The following PRH1 variants were observed in gnomAD, a reference collection of about 807,000 sequenced individuals.
PRH1 encodes the protein salivary acidic proline-rich phosphoprotein 1/2.
In PRH1, 7 loss-of-function variants were observed where a neutral mutation model predicts 7.9. The ratio of observed to expected loss-of-function variants is 0.89; its 90% CI spans 0.50 to 1.67. PRH1 has a LOEUF of 1.67. Among genes scored for constraint, PRH1 ranks in the 40% most tolerant of loss-of-function variants. PRH1 has a pLI of 0.00. For missense variants in PRH1, 109 were observed against 223.6 expected, an observed-to-expected ratio of 0.49 and a Z score of 3.27; for synonymous variants, 45 against 80.8, an observed-to-expected ratio of 0.56 and a Z score of 2.38.
chr12:10,950,409 A>G (rs771745194), intron 2 of PRH1, among the ~76,000 whole-genome samples: 5 of 152,016 alleles, frequency 3.3e-5, no homozygotes, highest in African/African-American at 4.8e-5. Context: ...GCACTTTTAT[A>G]TTTATATAAA....
At chr12:11,150,241 C>A (rs1287556284) in intron 1 of PRH1, among the ~76,000 whole-genome samples, 1 of 151,432 alleles carries the variant, frequency 6.6e-6, no homozygotes, top group African/African-American at 2.4e-5. Flanking sequence ...ACTAGTTCAA[C>A]CATTGTGGAA....
chr12:10,973,919 G>C (rs954847985), intron 1 of PRH1, among the ~76,000 whole-genome samples: 1 of 152,112 alleles, frequency 6.6e-6, no homozygotes, highest in African/African-American at 2.4e-5. Flanking sequence ...CTCCTAAAAT[G>C]TATCTGGAAA....
rs199946401 is a variant in PRH1 at position 11,133,302 on chromosome 12, C to T, written n.40-12122G>A. ...GTTTTCTGCTAGAAGACACACAATG[C>T]CCCTCTTGTGAATCTATGGAGACGA... On this transcript the variant is annotated intron_variant and non_coding_transcript_variant, in intron 1 of 1. Coordinates refer to the PRH1 transcript ENST00000541175. 611 of 1,611,076 alleles carry T rather than the reference C, an allele frequency of 3.8e-4. 1 individual carries two copies. The highest frequency in any genetic ancestry group is 4.3e-4 in the Non-Finnish European group (511 of 1,178,588).
At chr12:11,150,676 T>C (rs6488354) in intron 1 of PRH1, among the ~76,000 whole-genome samples, 112,816 of 151,426 alleles carry the variant, frequency 0.75, 44,494 homozygotes, top group East Asian at 0.96. Flanking sequence ...GTTGTGGGGT[T>C]GGGGGAAGGG....
chr12:11,091,994 T>A, intron 1 of PRH1: 1 of 1,398,802 alleles, frequency 7.1e-7, no homozygotes, highest in Non-Finnish European at 9.9e-7. Context: ...AGTTCTTACT[T>A]CTACACTATT....
intron 1 of PRH1, among the ~76,000 whole-genome samples, chr12:11,146,153 T>A (rs1460811201): frequency 6.6e-6 from 1 of 152,112 alleles, no homozygotes; most frequent in East Asian, 1.9e-4. Flanking sequence ...TCTGGATACC[T>A]TTTTAGTATT....
At chr12:10,944,939 G>A (rs1950462819) in intron 2 of PRH1, among the ~76,000 whole-genome samples, 1 of 152,082 alleles carries the variant, frequency 6.6e-6, no homozygotes, top group Admixed American at 6.5e-5. Flanking sequence ...GCTTTTTGAT[G>A]GGCTTGTGGA....
chr12:10,946,761 G>C (rs1176321852), intron 2 of PRH1, among the ~76,000 whole-genome samples: 2 of 151,988 alleles, frequency 1.3e-5, no homozygotes, highest in Non-Finnish European at 2.9e-5. Flanking sequence ...CAAACTTTTT[G>C]ATGTGGGCAT....
intron 1 of PRH1, among the ~76,000 whole-genome samples, chr12:10,977,139 T>G (rs574886036): frequency 1.3e-5 from 2 of 152,170 alleles, no homozygotes; most frequent in Non-Finnish European, 1.5e-5. Flanking sequence ...ACCAATATCC[T>G]TAATAAACAC....
At chr12:10,903,080 A>G (rs1949745985) in intron 2 of PRH1, among the ~76,000 whole-genome samples, 1 of 152,206 alleles carries the variant, frequency 6.6e-6, no homozygotes, top group South Asian at 2.1e-4. Context: ...TCAATAAAAA[A>G]CAAAAGTCAT....
At chr12:10,950,770 T>TA (rs924404410) in intron 2 of PRH1, among the ~76,000 whole-genome samples, 2 of 151,838 alleles carry the variant, frequency 1.3e-5, no homozygotes, top group Admixed American at 6.6e-5. Flanking sequence ...AAGAACTCAT[T>TA]AAAAAAGTGT....
chr12:10,989,743 T>C (rs1215124128), intron 1 of PRH1, among the ~76,000 whole-genome samples: 1 of 152,222 alleles, frequency 6.6e-6, no homozygotes, highest in Admixed American at 6.5e-5. Context: ...ATCTAAAAAA[T>C]ATTCTTTTGA....
chr12:10,909,119 C>T (rs974759392), intron 2 of PRH1: 6 of 1,613,606 alleles, frequency 3.7e-6, no homozygotes, highest in Non-Finnish European at 4.2e-6. Context: ...CTAATATTTC[C>T]CAGATCAGCC....
chr12:11,000,495 C>T (rs940537090), intron 1 of PRH1, among the ~76,000 whole-genome samples: 1 of 152,072 alleles, frequency 6.6e-6, no homozygotes, highest in Non-Finnish European at 1.5e-5. Context: ...TTTCCTCTGG[C>T]TACTTTTCAG....
chr12:11,065,351 T>TA (rs1565613441), intron 1 of PRH1, among the ~76,000 whole-genome samples: 2 of 152,152 alleles, frequency 1.3e-5, no homozygotes, highest in African/African-American at 4.8e-5. Flanking sequence ...TATGAACTGA[T>TA]ACACTTTACC....
chr12:10,956,584 GAAAT>G (rs975186275), intron 2 of PRH1, among the ~76,000 whole-genome samples: 5 of 152,080 alleles, frequency 3.3e-5, no homozygotes, highest in African/African-American at 1.2e-4. Flanking sequence ...ATCAGGAAGA[GAAAT>G]AAATAAAAGG....
intron 2 of PRH1, among the ~76,000 whole-genome samples, chr12:10,911,376 A>G (rs940011046): frequency 6.6e-6 from 1 of 152,194 alleles, no homozygotes; most frequent in African/African-American, 2.4e-5. Context: ...TGTTTCCATA[A>G]GAGAAAACAT....
At chr12:10,943,444 C>G (rs1950435513) in intron 2 of PRH1, among the ~76,000 whole-genome samples, 1 of 151,994 alleles carries the variant, frequency 6.6e-6, no homozygotes, top group Non-Finnish European at 1.5e-5. Context: ...CTTGTAAATT[C>G]AAGTTCCTTA....
chr12:11,149,805 C>A lies in PRH1; in HGVS notation n.39+21617G>T, dbSNP rs1471694082. ...CACCAAAAGCAATGGCAACAAAAGA[C>A]AAAATTGACAAATGGGATCTCATTA... On this transcript the variant is annotated intron_variant and non_coding_transcript_variant, in intron 1 of 1. Coordinates refer to the PRH1 transcript ENST00000541175. Among the ~76,000 whole-genome samples, 3 of 136,138 alleles carry A rather than the reference C, an allele frequency of 2.2e-5. 1 individual carries two copies. Among genetic ancestry groups the A allele is most frequent in the Non-Finnish European group, 3.3e-5 (2 of 61,132 alleles). 89.3% of individuals were successfully genotyped at this position (136,138 alleles called of 152,430 possible).
Sources: gnomAD v4.1 joint callset for allele counts (sites outside exome capture counted in the v4.1 genomes callset) on GRCh38, gnomAD v4.1.1 for gene constraint, MANE v1.5 for transcripts, NCBI Gene and HGNC (gene_info 2026-07-23, HGNC 2026-07-21) for gene names.